The following IRF5 variants were observed in gnomAD, a reference collection of about 807,000 sequenced individuals.
The protein encoded by IRF5 is interferon regulatory factor 5.
Under a neutral mutation model 55.1 loss-of-function variants are expected in IRF5, and 24 were observed. The ratio of observed to expected loss-of-function variants is 0.44; its 90% confidence interval spans 0.32 to 0.61. IRF5 has a LOEUF of 0.61. Among genes scored for constraint, IRF5 ranks in the 20% least tolerant of loss-of-function variants. The pLI is 0.07. For missense variants in IRF5, 499 were observed against 658.5 expected, an observed-to-expected ratio of 0.76 and a Z score of 2.65; for synonymous variants, 258 against 260.2, an observed-to-expected ratio of 0.99 and a Z score of 0.08.
At chr7:128,941,582 G>C (rs1009081978) in intron 1 of IRF5, among the ~76,000 whole-genome samples, 1 of 152,198 alleles carries the variant, frequency 6.6e-6, no homozygotes, top group African/African-American at 2.4e-5. Flanking sequence ...GGGCAGGGAA[G>C]AATCGAACTA....
intron 1 of IRF5, among the ~76,000 whole-genome samples, chr7:128,939,704 C>T (rs1795920498): frequency 6.6e-6 from 1 of 152,204 alleles, no homozygotes. Context: ...CAGCATGGCC[C>T]TGGGGTGAGC....
At chr7:128,943,801 CCTCA>C (rs1796167429) in intron 2 of IRF5, among the ~76,000 whole-genome samples, 1 of 136,950 alleles carries the variant, frequency 7.3e-6, no homozygotes, top group South Asian at 2.3e-4. Context: ...GAACTCCTGA[CCTCA>C]TGATCCACCT....
intron 1 of IRF5, chr7:128,940,419 A>G (rs1795958067): frequency 6.6e-6 from 1 of 152,248 alleles, no homozygotes; most frequent in Admixed American, 6.5e-5. Context: ...GCACCCCTCT[A>G]TTCTAGGGCC....
intron 1 of IRF5, among the ~76,000 whole-genome samples, chr7:128,938,930 G>T (rs1795876701): frequency 6.6e-6 from 1 of 151,780 alleles, no homozygotes; most frequent in Admixed American, 6.6e-5. Flanking sequence ...CGAGGACCGG[G>T]GTGCTGCTCC....
At position 128,942,254 on chromosome 7, in the gene IRF5, A is replaced by ACGG. The variant is rs1271645721; in HGVS notation, c.174_176dup (p.Gly59dup). ...GCCACAAGGCATGGTCCCAGCCAGG[A>ACGG]CGGAGATAACACCATCTTCAAGGTA... is the stretch of plus-strand genomic sequence containing the variant. On this transcript the variant is annotated inframe_insertion, in exon 2 of 9. Coordinates refer to ENST00000357234, the MANE Select transcript of IRF5 (RefSeq NM_001098629.3). The ACGG allele has an allele frequency of 5.6e-6, 9 of 1,613,126 alleles. No individual in the cohort carries two copies. Among genetic ancestry groups the ACGG allele is most frequent in the Non-Finnish European group, 7.6e-6 (9 of 1,179,568 alleles).
Position 128,948,288 on chromosome 7 carries a change from C to T in IRF5, c.1259C>T (p.Pro420Leu). Residue 420 changes from proline (P) to leucine (L), a missense_variant, in exon 8 of 9, where the codon CCT (proline) becomes CTT (leucine). Around this residue, in one of 2 missense-constraint regions of IRF5, gnomAD observed 194 missense variants for 318.3 expected, o/e 0.61. Transcript: ENST00000357234. This position sits in a 1 kb window ranked among gnomAD's most constrained non-coding sequence, Gnocchi z 4.6. ...EIFFCFGEEWPDRKPREKKLI... is the reference protein window; with the variant it reads ...EIFFCFGEEWLDRKPREKKLI... ...TTCTTCTGCTTTGGGGAAGAATGGC[C>T]TGACCGCAAACCCCGAGAGAAGAAG... The T allele has an allele frequency of 6.2e-7, 1 of 1,612,960 alleles. No homozygotes were observed. The highest frequency in any genetic ancestry group is 8.5e-7 in the Non-Finnish European group (1 of 1,179,638).
In IRF5 at chr7:128,947,496, C is replaced by G. The variant is rs1796384750; in HGVS notation, c.748C>G (p.Leu250Val). 1 of 1,597,182 alleles carries G rather than the reference C, an allele frequency of 6.3e-7. No individual in the cohort carries two copies. The highest frequency in any genetic ancestry group is 1.3e-5 in the African/African-American group (1 of 74,376). ...PASLPPAGEQ[L>V]LPDLLISPHM... ...CAGCCTGCCCCCTGCAGGCGAACAG[C>G]TCCTGCCAGACCTGCTGATCAGCCC... Residue 250 changes from leucine to valine, a missense_variant, in exon 6 of 9, where the codon CTC becomes GTC. Around this residue, in one of 2 missense-constraint regions of IRF5, gnomAD observed 305 missense variants for 340.2 expected, o/e 0.90. Coordinates refer to ENST00000357234, the MANE Select transcript of IRF5 (RefSeq NM_001098629.3). This position sits in a 1 kb window ranked among gnomAD's most constrained non-coding sequence, Gnocchi z 6.5.
At position 128,945,993 on chromosome 7, in the gene IRF5, A is replaced by G; in HGVS notation, c.344A>G (p.Tyr115Cys). The G allele has an allele frequency of 6.2e-7, 1 of 1,611,408 alleles. No homozygotes were observed. The highest frequency in any genetic ancestry group is 1.1e-5 in the South Asian group (1 of 90,916). The change falls in exon 3 of 9, where the codon TAC becomes TGC. Residue 115 changes from tyrosine (Y) to cysteine (C), a missense_variant. Tyr to Cys is a radical substitution (Grantham distance 194, BLOSUM62 -2). This residue lies in a region of IRF5 where 305 missense variants were observed against 340.2 expected (regional missense o/e 0.90). Coordinates refer to ENST00000357234, the MANE Select transcript of IRF5 (RefSeq NM_001098629.3). ...DGPRDMPPQP[Y>C]KIYEVCSNGP... The stretch of plus-strand genomic sequence containing the variant: ...CCCCGGGACATGCCACCTCAGCCCT[A>G]CAAGATCTACGAGGTCTGCTCCAAT...
rs1796280934 is a variant in IRF5, at chr7:128,946,006, G to A, written c.357G>A (p.Glu119=). The part of the protein sequence containing the change: ...DMPPQPYKIY[E]VCSNGPAPTD... The stretch of plus-strand genomic sequence containing the variant: ...CACCTCAGCCCTACAAGATCTACGA[G>A]GTCTGCTCCAATGGCCCTGCTCCCA... The change falls in exon 3 of 9, where the codon GAG becomes GAA. Residue 119 remains glutamate (E), a synonymous_variant. Transcript: ENST00000357234. The surrounding 1 kb of genome is among the most constrained non-coding windows in gnomAD (Gnocchi z 4.2). 6.2e-7 allele frequency: 1 copy of A among 1,608,490 alleles called. No homozygotes were observed. The highest frequency in any genetic ancestry group is 1.1e-5 in the South Asian group (1 of 90,672).
In IRF5 at chr7:128,948,353, G is replaced by A. The variant is rs753651583; in HGVS notation, c.1299+25G>A. 38 of 1,554,606 alleles carry A rather than the reference G, an allele frequency of 2.4e-5. No individual in the cohort carries two copies. The African/African-American group carries it at 3.7e-4, about 15-fold the overall frequency. On this transcript the variant is annotated intron_variant, in intron 8 of 8. Transcript: ENST00000357234. The surrounding 1 kb of genome is among the most constrained non-coding windows in gnomAD (Gnocchi z 4.6). Reference sequence around the variant, plus strand: ...GGTACATCTCCCCTATCCCAAAGTCGGCCTTGGCTTGAAAACTGGGGAATC... The same window carrying A: ...GGTACATCTCCCCTATCCCAAAGTCAGCCTTGGCTTGAAAACTGGGGAATC...
At position 128,946,539 on chromosome 7, in the gene IRF5, G is replaced by A; in HGVS notation, c.424G>A (p.Glu142Lys). The A allele has an allele frequency of 6.2e-7, 1 of 1,606,468 alleles. No homozygotes were observed. Among genetic ancestry groups the A allele is most frequent in the East Asian group, 2.2e-5 (1 of 44,782 alleles). ...TGAGGATTACTCTTTTGGTGCAGGA[G>A]AGGAGGAGGAAGAAGAGGAAGAGGT... ...PPEDYSFGAGEEEEEEEELQR... is the reference protein window; with the variant it reads ...PPEDYSFGAGKEEEEEEELQR... The change falls in exon 4 of 9, where the codon GAG (glutamate) becomes AAG (lysine). Residue 142 changes from glutamate (E) to lysine (K), a missense_variant. Physicochemically the swap from Glu to Lys is moderately conservative, Grantham distance 56 (BLOSUM62 1). This residue lies in a region of IRF5 where 305 missense variants were observed against 340.2 expected (regional missense o/e 0.90). Transcript: ENST00000357234. This position sits in a 1 kb window ranked among gnomAD's most constrained non-coding sequence, Gnocchi z 4.2.
chr7:128,948,897 G>A lies in IRF5; in HGVS notation c.*79G>A. 1 of 1,518,044 alleles carries A rather than the reference G, an allele frequency of 6.6e-7. No homozygotes were observed. Among genetic ancestry groups the A allele is most frequent in the East Asian group, 2.3e-5 (1 of 44,142 alleles). The allele number at this position is 1,518,044 out of a possible 1,614,324, so 94.0% of individuals were successfully genotyped here. The stretch of plus-strand genomic sequence containing the variant: ...TGTGGAGATGTGACAGCCCCGATGA[G>A]CACCTGGCTGGCTGCAGGGTCCTAC... On this transcript the variant is annotated 3_prime_UTR_variant, in exon 9 of 9. Coordinates refer to ENST00000357234, the MANE Select transcript of IRF5 (RefSeq NM_001098629.3). This position sits in a 1 kb window ranked among gnomAD's most constrained non-coding sequence, Gnocchi z 4.6.
intron 2 of IRF5, among the ~76,000 whole-genome samples, chr7:128,943,948 G>A (rs1796173724): frequency 6.6e-6 from 1 of 151,960 alleles, no homozygotes; most frequent in Admixed American, 6.6e-5. Context: ...GGGCTCAAGT[G>A]ATCCTCCCAC....
rs1355558604 is a variant in IRF5, at chr7:128,948,650, A to G, written c.1377A>G (p.Leu459=). The stretch of plus-strand genomic sequence containing the variant: ...CTTGGTCAGCTGATAGTATCCGGCT[A>G]CAGATCTCAAACCCAGACCTCAAAG... The part of the protein sequence containing the change: ...ELSWSADSIR[L]QISNPDLKDR... The change falls in exon 9 of 9, where the codon CTA becomes CTG. Residue 459 remains leucine (L), a synonymous_variant. Transcript: ENST00000357234. The surrounding 1 kb of genome is among the most constrained non-coding windows in gnomAD (Gnocchi z 4.6). The G allele has an allele frequency of 1.9e-6, 3 of 1,614,084 alleles. No individual in the cohort carries two copies. In the African/African-American group the frequency reaches 4.0e-5, roughly 22 times the overall value.
intron 2 of IRF5, among the ~76,000 whole-genome samples, chr7:128,944,210 C>T (rs1796187706): frequency 6.6e-6 from 1 of 152,142 alleles, no homozygotes; most frequent in African/African-American, 2.4e-5. Context: ...TGTAGAATTT[C>T]CACTGGAATG....
Position 128,942,097 on chromosome 7 carries a change from C to A in IRF5, c.16C>A (p.Pro6Thr). The change falls in exon 2 of 9, where the codon CCA becomes ACA. Residue 6 changes from proline to threonine, a missense_variant. Around this residue, in one of 2 missense-constraint regions of IRF5, gnomAD observed 305 missense variants for 340.2 expected, o/e 0.90. Transcript: ENST00000357234. The stretch of plus-strand genomic sequence containing the variant: ...CCCCTCTGCCATGAACCAGTCCATC[C>A]CAGTGGCTCCCACCCCACCCCGCCG... MNQSI[P>T]VAPTPPRRVR... 2.5e-6 allele frequency: 4 copies of A among 1,608,854 alleles called. No homozygotes were observed. Among genetic ancestry groups the A allele is most frequent in the Non-Finnish European group, 3.4e-6 (4 of 1,177,862 alleles).
rs1274256453 is a variant in IRF5 at position 128,950,014 on chromosome 7, A to C, written c.*1196A>C. ...GCCCAGCCATCAGAACTGTGAGCCAAATAAACCTTTTTCTGTATAAATTAC... is the reference window on the plus strand; with the variant it reads ...GCCCAGCCATCAGAACTGTGAGCCACATAAACCTTTTTCTGTATAAATTAC... On this transcript the variant is annotated 3_prime_UTR_variant, in exon 9 of 9. Transcript: ENST00000357234. The C allele has an allele frequency of 6.6e-6, 1 of 152,162 alleles. No homozygotes were observed. Among genetic ancestry groups the C allele is most frequent in the African/African-American group, 2.4e-5 (1 of 41,398 alleles). 9.4% of individuals were successfully genotyped at this position (152,162 alleles called of 1,614,324 possible). A position where few individuals can be genotyped will look rare whatever the true frequency, so the allele number is the denominator to read the frequency against.
chr7:128,948,404 T>C lies in IRF5; in HGVS notation c.1299+76T>C. On this transcript the variant is annotated intron_variant, in intron 8 of 8. Coordinates refer to ENST00000357234, the MANE Select transcript of IRF5 (RefSeq NM_001098629.3). The surrounding 1 kb of genome is among the most constrained non-coding windows in gnomAD (Gnocchi z 4.6). ...CTGGGGCTAGGCCCTTGCCCCAGGC[T>C]GGAGGCTCAGGGCTCCCTGAGCAGT... is the stretch of plus-strand genomic sequence containing the variant. 6.8e-7 allele frequency: 1 copy of C among 1,472,420 alleles called. No individual in the cohort carries two copies. Among genetic ancestry groups the C allele is most frequent in the Admixed American group, 2.1e-5 (1 of 48,110 alleles). 91.2% of individuals were successfully genotyped at this position (1,472,420 alleles called of 1,614,324 possible).
chr7:128,940,813 G>C (rs931421132), intron 1 of IRF5: 1 of 152,420 alleles, frequency 6.6e-6, no homozygotes, highest in Admixed American at 6.5e-5. Flanking sequence ...GGCTCTGAGG[G>C]AGGCCTGCAA....
Sources: gnomAD v4.1 joint callset for allele counts (sites outside exome capture counted in the v4.1 genomes callset) on GRCh38, gnomAD v4.1.1 for gene constraint, gnomAD v4.1.1 regional missense constraint, Gnocchi (gnomAD v3.1) non-coding constraint, MANE v1.5 for transcripts, NCBI Gene and HGNC (gene_info 2026-07-23, HGNC 2026-07-21) for gene names.